The following GUCY2C variants were observed in gnomAD, a reference collection of about 807,000 sequenced individuals.
GUCY2C encodes the protein guanylate cyclase 2C.
GUCY2C carries 118 observed loss-of-function variants against 131.1 expected under a neutral mutation model. The observed-to-expected ratio is 0.90, with a 90% CI of 0.78 to 1.05. The LOEUF is 1.05. Among genes scored for constraint, GUCY2C ranks in the 50% least tolerant of loss-of-function variants. The pLI is 0.00. For synonymous variants in GUCY2C, 452 were observed against 457.8 expected (o/e 0.99, Z 0.16); for missense variants, 1,161 against 1,304.4 (o/e 0.89, Z 1.69).
At chr12:14,617,387 T>G (rs1946789137) in intron 24 of GUCY2C, among the ~76,000 whole-genome samples, 1 of 152,166 alleles carries the variant, frequency 6.6e-6, no homozygotes, top group South Asian at 2.1e-4. Flanking sequence ...TAGGTTTTTC[T>G]CCATAGATTC....
Position 14,665,038 on chromosome 12 carries a change from C to T in GUCY2C, c.1283-3976G>A, listed in dbSNP as rs199758036. On this transcript the variant is annotated intron_variant, in intron 10 of 26. Transcript: ENST00000261170. ...ACCAGCCTGGCCAACATGGTGAAACCCCGTCTCCACTAAAAACATAAAAAT... is the reference window on the plus strand; with the variant it reads ...ACCAGCCTGGCCAACATGGTGAAACTCCGTCTCCACTAAAAACATAAAAAT... Among the ~76,000 whole-genome samples the T allele has an allele frequency of 1.2e-4, 18 of 151,958 alleles. No homozygotes were observed. The East Asian group carries it at 3.3e-3, about 28-fold the overall frequency.
chr12:14,644,508 A>G (rs919508998), intron 16 of GUCY2C, among the ~76,000 whole-genome samples: 1 of 152,210 alleles, frequency 6.6e-6, no homozygotes, highest in Non-Finnish European at 1.5e-5. Context: ...TTCATAACAC[A>G]TTTTTCAAAC....
chr12:14,689,309 A>G (rs545804728), intron 1 of GUCY2C, among the ~76,000 whole-genome samples: 1 of 152,194 alleles, frequency 6.6e-6, no homozygotes, highest in Non-Finnish European at 1.5e-5. Flanking sequence ...GGGAACTCCT[A>G]TTGACCAAGA....
chr12:14,686,343 T>C lies in GUCY2C; in HGVS notation c.331-118A>G, dbSNP rs1948469581. The C allele has an allele frequency of 7.0e-6, 5 of 710,432 alleles. No individual in the cohort carries two copies. In the South Asian group the frequency reaches 8.3e-5, roughly 12 times the overall value. 44.0% of individuals were successfully genotyped at this position (710,432 alleles called of 1,614,324 possible). A position where few individuals can be genotyped will look rare whatever the true frequency, so the allele number is the denominator to read the frequency against. ...TAGAAAGTTGGGCCTCCCAAAATGC[T>C]CAAACTCAGAGCAACATAGGGTGCC... On this transcript the variant is annotated intron_variant, in intron 2 of 26. Coordinates refer to ENST00000261170, the MANE Select transcript of GUCY2C (RefSeq NM_004963.4).
chr12:14,613,310 G>C lies in GUCY2C; in HGVS notation c.3048-19C>G, dbSNP rs1290411414. 81 of 1,596,008 alleles carry C rather than the reference G, an allele frequency of 5.1e-5. No homozygotes were observed. Among genetic ancestry groups the C allele is most frequent in the Non-Finnish European group, 6.9e-5 (80 of 1,164,296 alleles). The stretch of plus-strand genomic sequence containing the variant: ...ATTCTCCCTGGAAACAGAGTGGGAA[G>C]AGAAAATAGAACTTCTCAGCAATTC... On this transcript the variant is annotated intron_variant, in intron 26 of 26. Transcript: ENST00000261170. This position sits in a 1 kb window ranked among gnomAD's most constrained non-coding sequence, Gnocchi z 4.9.
Position 14,621,307 on chromosome 12 carries a change from G to C in GUCY2C, c.2602-91C>G, listed in dbSNP as rs1229949794. ...GTTAATCACATGTCAAACACAAAAA[G>C]TGATTTGGGAACACAGTATGAGCAT... On this transcript the variant is annotated intron_variant, in intron 22 of 26. Coordinates refer to ENST00000261170, the MANE Select transcript of GUCY2C (RefSeq NM_004963.4). The C allele has an allele frequency of 6.9e-6, 8 of 1,162,774 alleles. No individual in the cohort carries two copies. In the African/African-American group the frequency reaches 9.1e-5, roughly 13 times the overall value. The allele number at this position is 1,162,774 out of a possible 1,614,324, so 72.0% of individuals were successfully genotyped here.
At chr12:14,641,664 C>A (rs908973762) in intron 17 of GUCY2C, among the ~76,000 whole-genome samples, 5 of 152,260 alleles carry the variant, frequency 3.3e-5, no homozygotes, top group African/African-American at 1.2e-4. Flanking sequence ...TTTGGCCAGG[C>A]GTAGTGGCTT....
chr12:14,638,911 T>G (rs1287024944), intron 19 of GUCY2C, among the ~76,000 whole-genome samples: 1 of 152,174 alleles, frequency 6.6e-6, no homozygotes, highest in Non-Finnish European at 1.5e-5. Flanking sequence ...ATGGATCCCC[T>G]AAATACATGA....
chr12:14,650,593 G>A (rs1174249122), intron 15 of GUCY2C, among the ~76,000 whole-genome samples: 1 of 152,112 alleles, frequency 6.6e-6, no homozygotes, highest in South Asian at 2.1e-4. Context: ...ATTTTCCTCT[G>A]TGATCTTAAT....
At chr12:14,630,341 CAG>C (rs1207485791) in intron 19 of GUCY2C, among the ~76,000 whole-genome samples, 2 of 152,002 alleles carry the variant, frequency 1.3e-5, no homozygotes, top group African/African-American at 2.4e-5. Flanking sequence ...GCAGAATAGG[CAG>C]AAACAGCAAA....
rs760711995 is a variant in GUCY2C at position 14,622,117 on chromosome 12, A to G, written c.2489T>C (p.Ile830Thr). ...TTTGCAGATAGTAGTGAAACCTACA[A>G]TGTCACTGAAGTAGATTGTAACTTC... ...YEEVTIYFSD[I>T]VGFTTICKYS... Residue 830 changes from isoleucine (I) to threonine (T), a missense_variant, in exon 22 of 27, where the codon ATT becomes ACT. Transcript: ENST00000261170. 3 of 1,608,364 alleles carry G rather than the reference A, an allele frequency of 1.9e-6. No individual in the cohort carries two copies. The highest frequency in any genetic ancestry group is 2.5e-6 in the Non-Finnish European group (3 of 1,177,572).
At chr12:14,691,534 A>C (rs1332309960) in intron 1 of GUCY2C, among the ~76,000 whole-genome samples, 1 of 152,136 alleles carries the variant, frequency 6.6e-6, no homozygotes, top group Non-Finnish European at 1.5e-5. Context: ...GGAACACTGC[A>C]AGAGGAGTCA....
At chr12:14,675,902 C>T (rs1476155833) in intron 7 of GUCY2C, among the ~76,000 whole-genome samples, 1 of 152,188 alleles carries the variant, frequency 6.6e-6, no homozygotes, top group East Asian at 1.9e-4. Context: ...TTGCTGAAAA[C>T]ATTTCATGAG....
At chr12:14,672,088 A>AG (rs1948125436) in intron 9 of GUCY2C, among the ~76,000 whole-genome samples, 1 of 151,726 alleles carries the variant, frequency 6.6e-6, no homozygotes, top group Admixed American at 6.6e-5. Flanking sequence ...AAATGAAAAA[A>AG]AAATGAATAA....
intron 10 of GUCY2C, among the ~76,000 whole-genome samples, chr12:14,661,437 A>G (rs1488572422): frequency 1.3e-5 from 2 of 152,002 alleles, no homozygotes; most frequent in Non-Finnish European, 1.5e-5. Context: ...AGGATGAGAC[A>G]TGTATTTTTT....
Position 14,695,568 on chromosome 12 carries a change from T to C in GUCY2C, c.217+664A>G, listed in dbSNP as rs191415836. ...GTGAGCCGAGATCGTGCCACTGCAC[T>C]CCAGCCTGGGTGACAGAGTGAGACT... On this transcript the variant is annotated intron_variant, in intron 1 of 26. Coordinates refer to ENST00000261170, the MANE Select transcript of GUCY2C (RefSeq NM_004963.4). 2.8e-3 allele frequency among the ~76,000 whole-genome samples: 361 copies of C among 128,298 alleles called. 11 individuals are homozygous for C. In the East Asian group the frequency reaches 0.058, roughly 21 times the overall value. 84.2% of individuals were successfully genotyped at this position (128,298 alleles called of 152,430 possible).
At chr12:14,638,915 T>C (rs1358065971) in intron 19 of GUCY2C, among the ~76,000 whole-genome samples, 2 of 152,198 alleles carry the variant, frequency 1.3e-5, no homozygotes, top group East Asian at 1.9e-4. Context: ...ATCCCCTAAA[T>C]ACATGACTTG....
chr12:14,681,130 T>C (rs1948339448), intron 5 of GUCY2C, among the ~76,000 whole-genome samples: 1 of 152,162 alleles, frequency 6.6e-6, no homozygotes, highest in Admixed American at 6.6e-5. Context: ...GTTAATATAA[T>C]TACTCAATAA....
intron 3 of GUCY2C, among the ~76,000 whole-genome samples, chr12:14,685,610 G>T (rs1221039668): frequency 6.6e-6 from 1 of 152,128 alleles, no homozygotes; most frequent in Non-Finnish European, 1.5e-5. Context: ...GATTTTCCCA[G>T]AGCCAGAAAA....
Sources: allele counts gnomAD v4.1 joint callset (sites outside exome capture counted in the v4.1 genomes callset), GRCh38; gene constraint gnomAD v4.1.1; non-coding constraint Gnocchi (gnomAD v3.1); transcripts MANE v1.5; gene names NCBI Gene and HGNC (gene_info 2026-07-23, HGNC 2026-07-21).